UNC5D: variants seen among roughly 807,000 people sequenced by gnomAD.
UNC5D encodes unc-5 netrin receptor D.
Under a neutral mutation model 105.4 loss-of-function variants are expected in UNC5D, and 39 were observed. The observed-to-expected ratio is 0.37, with a 90% CI of 0.29 to 0.48. UNC5D has a LOEUF of 0.48. Ranked by LOEUF, UNC5D falls within the 20% of genes least tolerant of loss-of-function variation. The probability of loss-of-function intolerance (pLI) is 0.98; values close to 1 mark genes in which losing one functional copy is unlikely to be tolerated. For missense variants in UNC5D, 991 were observed against 1,202.4 expected (o/e 0.82, Z 2.60); for synonymous variants, 452 against 450.4 (o/e 1.00, Z -0.04).
At chr8:35,539,421 A>AT (rs1815111090) in intron 1 of UNC5D, among the ~76,000 whole-genome samples, 1 of 152,202 alleles carries the variant, frequency 6.6e-6, no homozygotes, top group African/African-American at 2.4e-5. Flanking sequence ...ACTTTCCAAG[A>AT]TTTTAGAGGG....
In UNC5D at chr8:35,660,809, A is replaced by C. The variant is rs1652076038; in HGVS notation, c.571-22738A>C. Among the ~76,000 whole-genome samples the C allele has an allele frequency of 1.3e-5, 2 of 152,166 alleles. 1 individual carries two copies. The highest frequency in any genetic ancestry group is 4.2e-4 in the South Asian group (2 of 4,818). On this transcript the variant is annotated intron_variant, in intron 4 of 16. Coordinates refer to ENST00000404895, the MANE Select transcript of UNC5D (RefSeq NM_080872.4). ...CCAATGCCCAACTCTACTGGGTTCT[A>C]ATTGCTCTTATTCCATGAAACCAGC...
At chr8:35,414,467 T>C (rs1181010248) in intron 1 of UNC5D, among the ~76,000 whole-genome samples, 1 of 152,174 alleles carries the variant, frequency 6.6e-6, no homozygotes, top group African/African-American at 2.4e-5. Flanking sequence ...AGTCTACCTG[T>C]TGTTAGTCCA....
intron 1 of UNC5D, among the ~76,000 whole-genome samples, chr8:35,315,654 C>G (rs909840890): frequency 6.6e-6 from 1 of 152,126 alleles, no homozygotes; most frequent in Admixed American, 6.5e-5. Flanking sequence ...TTAAGGGGAG[C>G]GAAAGCATGT....
chr8:35,294,317 A>T (rs1007576166), intron 1 of UNC5D, among the ~76,000 whole-genome samples: 11 of 152,018 alleles, frequency 7.2e-5, no homozygotes, highest in African/African-American at 2.7e-4. Context: ...GAGCATTTAC[A>T]TTTGCATTAA....
At chr8:35,591,415 T>TATTAATAAA (rs1819167020) in intron 3 of UNC5D, among the ~76,000 whole-genome samples, 1 of 152,166 alleles carries the variant, frequency 6.6e-6, no homozygotes, top group East Asian at 1.9e-4. Flanking sequence ...ATTGTTAAAA[T>TATTAATAAA]TAACAGTTTC....
chr8:35,483,709 G>A (rs960169508), intron 1 of UNC5D, among the ~76,000 whole-genome samples: 8 of 152,172 alleles, frequency 5.3e-5, no homozygotes, highest in African/African-American at 1.9e-4. Context: ...AAGGCACAAA[G>A]GAATTGAAGG....
intron 16 of UNC5D, among the ~76,000 whole-genome samples, chr8:35,779,426 G>C (rs1348312171): frequency 2.0e-5 from 3 of 152,108 alleles, no homozygotes; most frequent in Non-Finnish European, 4.4e-5. Context: ...TCTAATGAAC[G>C]ATATGAACTC....
intron 1 of UNC5D, among the ~76,000 whole-genome samples, chr8:35,321,400 G>A (rs1050594734): frequency 3.9e-5 from 6 of 152,088 alleles, no homozygotes; most frequent in African/African-American, 1.2e-4. Context: ...TGCTGTTCTC[G>A]TGGTAGTGAG....
intron 3 of UNC5D, among the ~76,000 whole-genome samples, chr8:35,588,312 G>T (rs1213951907): frequency 2.0e-5 from 3 of 152,004 alleles, no homozygotes; most frequent in African/African-American, 2.4e-5. Context: ...AGACTTGCAA[G>T]AAAAAAGTGA....
intron 1 of UNC5D, among the ~76,000 whole-genome samples, chr8:35,536,538 T>A (rs1276696408): frequency 1.3e-5 from 2 of 152,216 alleles, no homozygotes; most frequent in African/African-American, 2.4e-5. Flanking sequence ...TTTTTAAAGA[T>A]GTATGTTCTT....
chr8:35,600,857 G>T (rs1339841397), intron 4 of UNC5D, among the ~76,000 whole-genome samples: 11 of 152,104 alleles, frequency 7.2e-5, no homozygotes, highest in African/African-American at 2.4e-4. Context: ...TGGTGTTTTA[G>T]ACATGAAGAC....
In UNC5D at chr8:35,458,814, C is replaced by G. The variant is rs144270899; in HGVS notation, c.104-90478C>G. Among the ~76,000 whole-genome samples, 1,498 of 152,160 alleles carry G rather than the reference C, an allele frequency of 9.8e-3. 27 individuals are homozygous for G. Among genetic ancestry groups the G allele is most frequent in the African/African-American group, 0.035 (1,436 of 41,526 alleles). ...AATTTCTACACAATCCAAAATGATC[C>G]AAGAATCTCATGAAAGGCTGGTAAA... On this transcript the variant is annotated intron_variant, in intron 1 of 16. Coordinates refer to ENST00000404895, the MANE Select transcript of UNC5D (RefSeq NM_080872.4).
chr8:35,707,631 G>T (rs537003869), intron 8 of UNC5D, among the ~76,000 whole-genome samples: 93 of 152,236 alleles, frequency 6.1e-4, no homozygotes, highest in African/African-American at 2.1e-3. Context: ...CTGTCATATA[G>T]CACAAAAAAG....
chr8:35,701,141 G>A (rs1563683107), intron 7 of UNC5D, among the ~76,000 whole-genome samples: 1 of 152,212 alleles, frequency 6.6e-6, no homozygotes. Context: ...CTGTAATGAC[G>A]TATTCGAATT....
chr8:35,622,178 C>T (rs1821400004), intron 4 of UNC5D, among the ~76,000 whole-genome samples: 1 of 152,084 alleles, frequency 6.6e-6, no homozygotes, highest in Non-Finnish European at 1.5e-5. Context: ...CCCATCTCTA[C>T]TAAAATTACA....
intron 1 of UNC5D, among the ~76,000 whole-genome samples, chr8:35,303,147 A>G (rs1808085517): frequency 6.6e-6 from 1 of 152,128 alleles, no homozygotes; most frequent in Non-Finnish European, 1.5e-5. Context: ...AGTCTTTGAA[A>G]TCAGTGCCTA....
chr8:35,708,858 C>T (rs1827767188), intron 8 of UNC5D, among the ~76,000 whole-genome samples: 1 of 152,118 alleles, frequency 6.6e-6, no homozygotes, highest in South Asian at 2.1e-4. Flanking sequence ...GTCCTAATAA[C>T]CTGAATCTCA....
intron 1 of UNC5D, among the ~76,000 whole-genome samples, chr8:35,470,782 AT>A (rs1809656246): frequency 2.9e-5 from 1 of 34,330 alleles, no homozygotes; most frequent in African/African-American, 8.3e-5. Context: ...AAATAAATAA[AT>A]AAATAAATAA....
intron 1 of UNC5D, among the ~76,000 whole-genome samples, chr8:35,248,101 TTA>T (rs1211810934): frequency 1.4e-5 from 1 of 72,436 alleles, no homozygotes; most frequent in Non-Finnish European, 2.3e-5. Flanking sequence ...TAAATATATA[TTA>T]TATATAAAAA....
Sources: gnomAD v4.1 joint callset for allele counts (sites outside exome capture counted in the v4.1 genomes callset) on GRCh38, gnomAD v4.1.1 for gene constraint, MANE v1.5 for transcripts, NCBI Gene and HGNC (gene_info 2026-07-23, HGNC 2026-07-21) for gene names.